PPP1R12B: variants seen among roughly 807,000 people sequenced by gnomAD.
The protein encoded by PPP1R12B is myosin phosphatase target subunit 2.
In PPP1R12B, 76 loss-of-function variants were observed where a neutral mutation model predicts 126.1. That is an observed-to-expected ratio of 0.60 (90% CI 0.50 to 0.73). PPP1R12B has a LOEUF of 0.73. PPP1R12B is among the 30% of genes least tolerant of loss of function. The pLI, the probability that PPP1R12B is intolerant of heterozygous loss-of-function variation, is 0.00. For missense variants in PPP1R12B, 1,052 were observed against 1,205.1 expected, an observed-to-expected ratio of 0.87 and a Z score of 1.88; for synonymous variants, 356 against 434.7, an observed-to-expected ratio of 0.82 and a Z score of 2.25.
In PPP1R12B at chr1:202,548,818, A is replaced by C. The variant is rs866520854; in HGVS notation, c.2491-10059A>C. Among the ~76,000 whole-genome samples the C allele has an allele frequency of 5.3e-3, 715 of 135,456 alleles. 3 individuals carry two copies. The highest frequency in any genetic ancestry group is 7.8e-3 in the African/African-American group (277 of 35,734). 88.9% of individuals were successfully genotyped at this position (135,456 alleles called of 152,430 possible). On this transcript the variant is annotated intron_variant, in intron 18 of 23. Coordinates refer to ENST00000608999, the MANE Select transcript of PPP1R12B (RefSeq NM_002481.4). The stretch of plus-strand genomic sequence containing the variant: ...TCTCTCTCTCTCTCTCTATATATAT[A>C]TATATATATATATATATAATTTTAG...
intron 1 of PPP1R12B, among the ~76,000 whole-genome samples, chr1:202,407,457 C>T (rs1666786912): frequency 6.6e-6 from 1 of 152,166 alleles, no homozygotes; most frequent in African/African-American, 2.4e-5. Context: ...TCGGCTGTCT[C>T]TCTTGAAAGG....
rs919581962 is a variant in PPP1R12B, at chr1:202,589,167, A to G, written c.*8607A>G. 1 of 152,212 alleles carries G rather than the reference A, an allele frequency of 6.6e-6. No homozygotes were observed. The highest frequency in any genetic ancestry group is 2.4e-5 in the African/African-American group (1 of 41,448). The allele number at this position is 152,212 out of a possible 1,614,324, so 9.4% of individuals were successfully genotyped here. A position where few individuals can be genotyped will look rare whatever the true frequency, so the allele number is the denominator to read the frequency against. On this transcript the variant is annotated 3_prime_UTR_variant, in exon 24 of 24. Coordinates refer to ENST00000608999, the MANE Select transcript of PPP1R12B (RefSeq NM_002481.4). ...AATGTAGTTAACTTGGGGGCTATTG[A>G]AGGTTAAATCTAAACTCAAAATGAA... is the stretch of plus-strand genomic sequence containing the variant.
In PPP1R12B at chr1:202,422,631, A is replaced by G. The variant is rs774819653; in HGVS notation, c.434A>G (p.Asn145Ser). Residue 145 changes from asparagine (N) to serine (S), a missense_variant, in exon 3 of 24, where the codon AAT (asparagine) becomes AGT (serine). Physicochemically the swap from Asn to Ser is conservative, Grantham distance 46. Coordinates refer to ENST00000608999, the MANE Select transcript of PPP1R12B (RefSeq NM_002481.4). ...GYLNIAEYFINHGASVGIVNS... is the reference protein window; with the variant it reads ...GYLNIAEYFISHGASVGIVNS... ...TCTTGTCTACGCAGGTATTTCATTA[A>G]TCACGGAGCCAGTGTAGGTATTGTC... 3.1e-6 allele frequency: 5 copies of G among 1,613,652 alleles called. No individual in the cohort carries two copies. The highest frequency in any genetic ancestry group is 4.5e-5 in the East Asian group (2 of 44,888).
At chr1:202,538,681 AT>A (rs1684797994) in intron 18 of PPP1R12B, among the ~76,000 whole-genome samples, 1 of 152,246 alleles carries the variant, frequency 6.6e-6, no homozygotes, top group Non-Finnish European at 1.5e-5. Flanking sequence ...CTTAGAAAAC[AT>A]TTGGCCTAGA....
At chr1:202,442,002 A>G (rs1671692310) in intron 11 of PPP1R12B, among the ~76,000 whole-genome samples, 1 of 151,808 alleles carries the variant, frequency 6.6e-6, no homozygotes, top group Non-Finnish European at 1.5e-5. Flanking sequence ...ATGTGCCACC[A>G]TGCCTGGCTA....
At chr1:202,371,976 AT>A (rs1245855877) in intron 1 of PPP1R12B, among the ~76,000 whole-genome samples, 2 of 144,100 alleles carry the variant, frequency 1.4e-5, no homozygotes, top group Non-Finnish European at 3.0e-5. Context: ...GGTTCAAGTG[AT>A]TCTCCTGCCT....
intron 18 of PPP1R12B, among the ~76,000 whole-genome samples, chr1:202,534,021 C>A (rs1358457140): frequency 2.0e-5 from 3 of 152,114 alleles, no homozygotes; most frequent in Admixed American, 6.5e-5. Flanking sequence ...CTTTATTACC[C>A]CTTCTACATT....
intron 23 of PPP1R12B, among the ~76,000 whole-genome samples, chr1:202,573,325 G>T (rs1688785580): frequency 1.3e-5 from 2 of 152,088 alleles, no homozygotes. Flanking sequence ...ATTCCAAGGT[G>T]GTCATTCTTT....
chr1:202,533,891 C>T (rs1323847818), intron 18 of PPP1R12B, among the ~76,000 whole-genome samples: 2 of 152,120 alleles, frequency 1.3e-5, no homozygotes, highest in African/African-American at 4.8e-5. Context: ...TGATGTGGTA[C>T]TTTGAGATTG....
intron 23 of PPP1R12B, among the ~76,000 whole-genome samples, chr1:202,570,562 C>A (rs1008706459): frequency 6.6e-6 from 1 of 152,160 alleles, no homozygotes; most frequent in African/African-American, 2.4e-5. Flanking sequence ...ATAATTGATT[C>A]TCATGAGATG....
chr1:202,526,034 A>G (rs1251533838), intron 18 of PPP1R12B, among the ~76,000 whole-genome samples: 2 of 152,208 alleles, frequency 1.3e-5, no homozygotes, highest in Non-Finnish European at 2.9e-5. Flanking sequence ...TGCTTGTGAG[A>G]ATGATCCCAA....
In PPP1R12B at chr1:202,462,952, G is replaced by C. The variant is rs1250814891; in HGVS notation, c.1850+13781G>C. Reference sequence around the variant, plus strand: ...GCCATTCCTGGTTTTATGGAAATCAGAGGCACAGGAAGTTGATCTGGGTGT... The same window carrying C: ...GCCATTCCTGGTTTTATGGAAATCACAGGCACAGGAAGTTGATCTGGGTGT... On this transcript the variant is annotated intron_variant, in intron 13 of 23. Coordinates refer to ENST00000608999, the MANE Select transcript of PPP1R12B (RefSeq NM_002481.4). The C allele has an allele frequency of 3.0e-6, 3 of 985,284 alleles. No individual in the cohort carries two copies. The African/African-American group carries it at 5.2e-5, about 17-fold the overall frequency. The allele number at this position is 985,284 out of a possible 1,614,324, so 61.0% of individuals were successfully genotyped here.
chr1:202,381,397 G>GCTGTGTGTGTAT (rs1553268836), intron 1 of PPP1R12B, among the ~76,000 whole-genome samples: 1 of 23,282 alleles, frequency 4.3e-5, no homozygotes, highest in Non-Finnish European at 1.1e-4. Flanking sequence ...TGAGCTTTGG[G>GCTGTGTGTGTAT]GTGTGTGTGT....
Position 202,567,840 on chromosome 1 carries a change from A to C in PPP1R12B, c.2811+9A>C. On this transcript the variant is annotated intron_variant, in intron 22 of 23. Coordinates refer to ENST00000608999, the MANE Select transcript of PPP1R12B (RefSeq NM_002481.4). Reference sequence around the variant, plus strand: ...TGGAGATGGAGAAACGGGTATGCGCATGTCTGTTTCCCCCTCCACCCCATT... The same window carrying C: ...TGGAGATGGAGAAACGGGTATGCGCCTGTCTGTTTCCCCCTCCACCCCATT... The C allele has an allele frequency of 6.2e-7, 1 of 1,613,692 alleles. No individual in the cohort carries two copies.
chr1:202,378,835 C>A (rs1432176546), intron 1 of PPP1R12B, among the ~76,000 whole-genome samples: 2 of 152,136 alleles, frequency 1.3e-5, no homozygotes, highest in Non-Finnish European at 2.9e-5. Flanking sequence ...ACTTGATCTC[C>A]ATATGAATTA....
chr1:202,520,491 A>G (rs1311615449), intron 18 of PPP1R12B, among the ~76,000 whole-genome samples: 1 of 152,234 alleles, frequency 6.6e-6, no homozygotes, highest in South Asian at 2.1e-4. Context: ...TAAGATTTAC[A>G]GTAAAGTCTG....
intron 1 of PPP1R12B, among the ~76,000 whole-genome samples, chr1:202,389,373 G>T (rs1298375248): frequency 6.6e-6 from 1 of 152,184 alleles, no homozygotes; most frequent in African/African-American, 2.4e-5. Context: ...GGCCGGGCGC[G>T]GTGGCTCATG....
At position 202,442,527 on chromosome 1, in the gene PPP1R12B, C is replaced by A. The variant is rs777311265; in HGVS notation, c.1622C>A (p.Pro541Gln). 2.5e-6 allele frequency: 4 copies of A among 1,613,496 alleles called. No homozygotes were observed. In the African/African-American group the frequency reaches 5.4e-5, roughly 22 times the overall value. The change falls in exon 12 of 24, where the codon CCA becomes CAA. Residue 541 changes from proline to glutamine, a missense_variant. Transcript: ENST00000608999. ...GATGAAGCAAAAGGAAATGAAATCCCACAGACAATTGCTCCCTCCACCTAT... is the reference window on the plus strand; with the variant it reads ...GATGAAGCAAAAGGAAATGAAATCCAACAGACAATTGCTCCCTCCACCTAT... ...WRDEAKGNEI[P>Q]QTIAPSTYVS...
rs1018930390 is a variant in PPP1R12B at position 202,588,617 on chromosome 1, TG to T, written c.*8061del. 7.2e-5 allele frequency: 11 copies of T among 152,504 alleles called. No homozygotes were observed. Among genetic ancestry groups the T allele is most frequent in the African/African-American group, 2.4e-4 (10 of 41,418 alleles). 9.4% of individuals were successfully genotyped at this position (152,504 alleles called of 1,614,324 possible). On this transcript the variant is annotated 3_prime_UTR_variant, in exon 24 of 24. Coordinates refer to ENST00000608999, the MANE Select transcript of PPP1R12B (RefSeq NM_002481.4). The stretch of plus-strand genomic sequence containing the variant: ...CATGGGATTTCTAGAATCTCACATC[TG>T]GGGCAGCCTCTTCTGATTTTACATC...
Sources: allele counts gnomAD v4.1 joint callset (sites outside exome capture counted in the v4.1 genomes callset), GRCh38; gene constraint gnomAD v4.1.1; transcripts MANE v1.5; gene names NCBI Gene and HGNC (gene_info 2026-07-23, HGNC 2026-07-21).